SLC44A5: variants seen among roughly 807,000 people sequenced by gnomAD.
SLC44A5 encodes the protein choline transporter-like protein 5.
SLC44A5 carries 57 observed loss-of-function variants against 101.8 expected under a neutral mutation model. The observed-to-expected ratio is 0.56, with a 90% CI of 0.45 to 0.70. The LOEUF is 0.70. Ranked by LOEUF, SLC44A5 falls within the 30% of genes least tolerant of loss-of-function variation. The pLI, the probability that SLC44A5 is intolerant of heterozygous loss-of-function variation, is 0.00. For synonymous variants in SLC44A5, 281 were observed against 290.9 expected (o/e 0.97, Z 0.35); for missense variants, 737 against 853.1 (o/e 0.86, Z 1.70).
At chr1:75,549,479 C>A (rs1671823784) in intron 1 of SLC44A5, among the ~76,000 whole-genome samples, 1 of 152,176 alleles carries the variant, frequency 6.6e-6, no homozygotes, top group South Asian at 2.1e-4. Context: ...TACTCTATCT[C>A]ATTTTCAATA....
intron 6 of SLC44A5, among the ~76,000 whole-genome samples, chr1:75,256,797 T>C (rs1162708537): frequency 6.6e-6 from 1 of 152,002 alleles, no homozygotes; most frequent in Non-Finnish European, 1.5e-5. Flanking sequence ...GAACAAGAAG[T>C]AGAGGTATTG....
the SLC44A5 span, among the ~76,000 whole-genome samples, chr1:75,723,006 G>A: frequency 3.9e-5 from 6 of 152,316 alleles, no homozygotes; most frequent in East Asian, 7.7e-4. Context: ...TTCCTTATCT[G>A]GAGGTGTTTT....
chr1:75,593,570 G>T (rs1382260935), intron 1 of SLC44A5, among the ~76,000 whole-genome samples: 1 of 152,126 alleles, frequency 6.6e-6, no homozygotes, highest in Admixed American at 6.5e-5. Flanking sequence ...CAATAGCTAA[G>T]ATTTGGAAGC....
the SLC44A5 span, among the ~76,000 whole-genome samples, chr1:75,702,521 A>C: frequency 1.8e-4 from 28 of 152,296 alleles, no homozygotes; most frequent in Admixed American, 1.5e-3. Flanking sequence ...AGATGGATTA[A>C]AGACTTAAAT....
chr1:75,638,217 A>G, the SLC44A5 span, among the ~76,000 whole-genome samples: 110 of 152,210 alleles, frequency 7.2e-4, 1 homozygote, highest in African/African-American at 2.6e-3. Context: ...TAATAGTACG[A>G]TTAAAGCAAG....
chr1:75,403,256 G>A (rs1302765334), intron 2 of SLC44A5, among the ~76,000 whole-genome samples: 2 of 152,222 alleles, frequency 1.3e-5, no homozygotes, highest in Admixed American at 1.3e-4. Flanking sequence ...AGAAGAGGCA[G>A]CTGCGGGCGC....
At chr1:75,257,984 A>G (rs2100674883) in intron 6 of SLC44A5, among the ~76,000 whole-genome samples, 1 of 152,202 alleles carries the variant, frequency 6.6e-6, no homozygotes, top group East Asian at 1.9e-4. Flanking sequence ...GGAAATAGCC[A>G]TTAGGGACTG....
the SLC44A5 span, among the ~76,000 whole-genome samples, chr1:75,643,468 G>C: frequency 1.3e-5 from 2 of 152,078 alleles, no homozygotes; most frequent in Admixed American, 6.5e-5. Context: ...TTACATTCTA[G>C]ATTGTCCATT....
At chr1:75,337,428 T>C (rs1276665468) in intron 4 of SLC44A5, among the ~76,000 whole-genome samples, 5 of 152,220 alleles carry the variant, frequency 3.3e-5, no homozygotes, top group African/African-American at 9.6e-5. Flanking sequence ...GTCTACATTA[T>C]GAGATGAATT....
At chr1:75,576,213 G>A (rs1172520490) in intron 1 of SLC44A5, among the ~76,000 whole-genome samples, 1 of 151,616 alleles carries the variant, frequency 6.6e-6, no homozygotes, top group African/African-American at 2.4e-5. Context: ...GAGATAGATA[G>A]AGATAGATGG....
rs755794953 is a variant in SLC44A5 at position 75,211,475 on chromosome 1, G to A, written c.2040C>T (p.Ile680=). 1.2e-6 allele frequency: 2 copies of A among 1,611,482 alleles called. No homozygotes were observed. Among genetic ancestry groups the A allele is most frequent in the East Asian group, 2.2e-5 (1 of 44,700 alleles). ...CACATACTGAATACTCACAGAAGCA[G>A]ATGAAAATTGTTTCAACACACATTG... ...VYAMCVETIF[I]CFLEDLERND... Residue 680 remains isoleucine (I), a synonymous_variant, in exon 23 of 24, where the codon ATC becomes ATT. Transcript: ENST00000370859.
chr1:75,454,648 A>C (rs752385451), intron 2 of SLC44A5, among the ~76,000 whole-genome samples: 5 of 151,978 alleles, frequency 3.3e-5, no homozygotes, highest in Non-Finnish European at 7.4e-5. Flanking sequence ...ACCCTAAAGA[A>C]TCCCCCAAAA....
chr1:75,329,526 T>C (rs752184295), intron 4 of SLC44A5, among the ~76,000 whole-genome samples: 1 of 152,174 alleles, frequency 6.6e-6, no homozygotes, highest in Non-Finnish European at 1.5e-5. Flanking sequence ...TAGCAAGTCA[T>C]TCATTTTTAA....
At chr1:75,306,733 C>CTTTCTTT (rs1459929402) in intron 4 of SLC44A5, among the ~76,000 whole-genome samples, 10 of 102,586 alleles carry the variant, frequency 9.7e-5, no homozygotes, top group Non-Finnish European at 1.6e-4. Flanking sequence ...GGTTTCCTTT[C>CTTTCTTT]TTTTTTTTTT....
At chr1:75,707,595 T>C in the SLC44A5 span, among the ~76,000 whole-genome samples, 2 of 152,318 alleles carry the variant, frequency 1.3e-5, no homozygotes, top group Admixed American at 6.5e-5. Context: ...CCTTTCCCTA[T>C]AGTTTTTCCC....
rs576852796 is a variant in SLC44A5 at position 75,267,733 on chromosome 1, T to C, written c.260+7225A>G. ...CAGCTAATTTTTTAAAATTTTTTTA[T>C]TTTTATTTTTATTTTTTTGTAGGGA... On this transcript the variant is annotated intron_variant, in intron 6 of 23. Coordinates refer to ENST00000370859, the MANE Select transcript of SLC44A5 (RefSeq NM_001130058.2). 3.3e-5 allele frequency among the ~76,000 whole-genome samples: 5 copies of C among 152,050 alleles called. No homozygotes were observed. The South Asian group carries it at 1.0e-3, about 32-fold the overall frequency.
At chr1:75,700,296 A>C in the SLC44A5 span, among the ~76,000 whole-genome samples, 1 of 152,194 alleles carries the variant, frequency 6.6e-6, no homozygotes, top group East Asian at 1.9e-4. Context: ...CAGAAATTAA[A>C]ATAAACTGTC....
At chr1:75,462,539 A>G (rs1329698012) in intron 2 of SLC44A5, among the ~76,000 whole-genome samples, 1 of 152,156 alleles carries the variant, frequency 6.6e-6, no homozygotes, top group Non-Finnish European at 1.5e-5. Context: ...AATGAACTAA[A>G]TAACGCATCA....
chr1:75,506,777 G>A (rs1024207490), intron 2 of SLC44A5, among the ~76,000 whole-genome samples: 2 of 151,942 alleles, frequency 1.3e-5, no homozygotes, highest in Non-Finnish European at 2.9e-5. Context: ...TGTCAGTAAA[G>A]AGAGATAATT....
Sources: allele counts gnomAD v4.1 joint callset (sites outside exome capture counted in the v4.1 genomes callset), GRCh38; gene constraint gnomAD v4.1.1; transcripts MANE v1.5; gene names NCBI Gene and HGNC (gene_info 2026-07-23, HGNC 2026-07-21).